SERPING1: variants seen among roughly 807,000 people sequenced by gnomAD.
SERPING1 encodes the protein plasma protease C1 inhibitor.
SERPING1 carries 5 observed loss-of-function variants against 34.1 expected under a neutral mutation model. That is an observed-to-expected ratio of 0.15 (90% CI 0.08 to 0.31). The LOEUF is 0.31. Ranked by LOEUF, SERPING1 falls within the 10% of genes least tolerant of loss-of-function variation. The pLI, the probability that SERPING1 is intolerant of heterozygous loss-of-function variation, is 1.00. For synonymous variants in SERPING1, 225 were observed against 242.4 expected (o/e 0.93, Z 0.67); for missense variants, 505 against 609.5 (o/e 0.83, Z 1.81).
intron 4 of SERPING1, chr11:57,605,484 G>T: frequency 1.2e-5 from 2 of 170,696 alleles, no homozygotes; most frequent in South Asian, 1.4e-4. Context: ...ACCCACCTTG[G>T]CCTCCCAAAG....
At position 57,606,137 on chromosome 11, in the gene SERPING1, C is replaced by G; in HGVS notation, c.813C>G (p.Asn271Lys). Residue 271 changes from asparagine (N) to lysine (K), a missense_variant, in exon 5 of 8, where the codon AAC (asparagine) becomes AAG (lysine). Asn to Lys is a moderately conservative substitution (Grantham distance 94). Transcript: ENST00000278407. ...LINTWVAKNT[N>K]NKISRLLDSL... Reference sequence around the variant, plus strand: ...ACACCTGGGTGGCCAAGAACACCAACAACAAGATCAGCCGGCTGCTAGACA... The same window carrying G: ...ACACCTGGGTGGCCAAGAACACCAAGAACAAGATCAGCCGGCTGCTAGACA... 6.2e-7 allele frequency: 1 copy of G among 1,614,152 alleles called. No individual in the cohort carries two copies. The highest frequency in any genetic ancestry group is 1.3e-5 in the African/African-American group (1 of 75,026).
chr11:57,598,691 T>C (rs1945314582), intron 2 of SERPING1, among the ~76,000 whole-genome samples: 1 of 152,164 alleles, frequency 6.6e-6, no homozygotes, highest in Non-Finnish European at 1.5e-5. Flanking sequence ...TTTTGTGATA[T>C]CAAAGCAAGA....
At position 57,598,333 on chromosome 11, in the gene SERPING1, C is replaced by G; in HGVS notation, c.51+12C>G. The G allele has an allele frequency of 6.4e-7, 1 of 1,557,008 alleles. No homozygotes were observed. Among genetic ancestry groups the G allele is most frequent in the Non-Finnish European group, 8.7e-7 (1 of 1,153,152 alleles). On this transcript the variant is annotated intron_variant, in intron 2 of 7. Transcript: ENST00000278407. ...TGCTGCTGGCTGGGGTATGTGGTCC[C>G]TTGTGGGATGGGGGACGGGGGTGGA... is the stretch of plus-strand genomic sequence containing the variant.
chr11:57,600,517 A>C, intron 3 of SERPING1, 140 bp downstream of exon 3: 1 of 889,264 alleles, frequency 1.1e-6, no homozygotes. Flanking sequence ...GGGTAGAGGG[A>C]TGTATCTTTT....
In SERPING1 at chr11:57,606,499, C is replaced by T. The variant is rs1433680488; in HGVS notation, c.981C>T (p.Ser327=). The T allele has an allele frequency of 8.7e-6, 14 of 1,614,034 alleles. No individual in the cohort carries two copies. Among genetic ancestry groups the T allele is most frequent in the African/African-American group, 1.3e-5 (1 of 74,922 alleles). Residue 327 remains serine (S), a synonymous_variant, in exon 6 of 8, where the codon AGC becomes AGT. Coordinates refer to ENST00000278407, the MANE Select transcript of SERPING1 (RefSeq NM_000062.3). ...TTATAAAAGTGCCCATGATGAATAGCAAGAAGTACCCTGTGGCCCATTTCA... is the reference window on the plus strand; with the variant it reads ...TTATAAAAGTGCCCATGATGAATAGTAAGAAGTACCCTGTGGCCCATTTCA... ...NSVIKVPMMN[S]KKYPVAHFID...
At chr11:57,603,038 G>A (rs1051985807) in intron 4 of SERPING1, among the ~76,000 whole-genome samples, 3 of 151,814 alleles carry the variant, frequency 2.0e-5, no homozygotes, top group Non-Finnish European at 2.9e-5. Flanking sequence ...TTCAAGACCA[G>A]CCTGGCCAAC....
Position 57,609,558 on chromosome 11 carries a change from C to T in SERPING1, c.1030-2159C>T, listed in dbSNP as rs769544780. ...TCATGCCACTGCATTCCAGCCTGAGCGACAGAGTGAGACCTTGTCTCAGAA... is the reference window on the plus strand; with the variant it reads ...TCATGCCACTGCATTCCAGCCTGAGTGACAGAGTGAGACCTTGTCTCAGAA... On this transcript the variant is annotated intron_variant, in intron 6 of 7. Transcript: ENST00000278407. Among the ~76,000 whole-genome samples, 9 of 151,020 alleles carry T rather than the reference C, an allele frequency of 6.0e-5. 1 individual carries two copies. The highest frequency in any genetic ancestry group is 1.2e-4 in the African/African-American group (5 of 40,974).
rs191975157 is a variant in SERPING1 at position 57,599,419 on chromosome 11, C to T, written c.52-460C>T. On this transcript the variant is annotated intron_variant, in intron 2 of 7. Transcript: ENST00000278407. Reference sequence around the variant, plus strand: ...TCCCTTCCTAATGTGTACTGTTTTTCCACACCCACTAATGGGTTGCAACCC... The same window carrying T: ...TCCCTTCCTAATGTGTACTGTTTTTTCACACCCACTAATGGGTTGCAACCC... Among the ~76,000 whole-genome samples, 799 of 152,194 alleles carry T rather than the reference C, an allele frequency of 5.2e-3. 2 individuals carry two copies. Among genetic ancestry groups the T allele is most frequent in the Admixed American group, 0.01 (157 of 15,280 alleles).
chr11:57,602,304 G>A, intron 4 of SERPING1, 135 bp downstream of exon 4: 2 of 1,023,760 alleles, frequency 2.0e-6, no homozygotes, highest in Non-Finnish European at 3.0e-6. Flanking sequence ...CAGAGCAGGT[G>A]AAGACCTTGG....
chr11:57,606,382 G>A, intron 5 of SERPING1, 26 bp from the exon 6 acceptor site: 2 of 1,614,020 alleles, frequency 1.2e-6, no homozygotes, highest in South Asian at 1.1e-5. Flanking sequence ...CTGCATTAGA[G>A]CAACCCTCCC....
chr11:57,600,146 A>T lies in SERPING1; in HGVS notation c.319A>T (p.Thr107Ser). The T allele has an allele frequency of 6.2e-7, 1 of 1,612,178 alleles. No homozygotes were observed. The highest frequency in any genetic ancestry group is 8.5e-7 in the Non-Finnish European group (1 of 1,179,598). Residue 107 changes from threonine (T) to serine (S), a missense_variant, in exon 3 of 8, where the codon ACC becomes TCC. Physicochemically the swap from Thr to Ser is moderately conservative, Grantham distance 58. Coordinates refer to ENST00000278407, the MANE Select transcript of SERPING1 (RefSeq NM_000062.3). Reference protein sequence around the residue: ...QPTIQPTQPTTQLPTDSPTQP... With the variant: ...QPTIQPTQPTSQLPTDSPTQP... ...CACCATCCAACCCACCCAACCAACT[A>T]CCCAGCTCCCAACAGATTCTCCTAC... is the stretch of plus-strand genomic sequence containing the variant.
At chr11:57,610,285 C>A (rs1184717799) in intron 6 of SERPING1, among the ~76,000 whole-genome samples, 1 of 151,970 alleles carries the variant, frequency 6.6e-6, no homozygotes, top group African/African-American at 2.4e-5. Flanking sequence ...GGATATTTAC[C>A]CAAGGAAGGG....
At chr11:57,612,002 T>C in intron 7 of SERPING1, 66 bp downstream of exon 7, 1 of 1,295,178 alleles carries the variant, frequency 7.7e-7, no homozygotes, top group Non-Finnish European at 1.1e-6. Flanking sequence ...CCCTAAGATG[T>C]AGTTAGCATT....
At chr11:57,604,549 C>T (rs1945387124) in intron 4 of SERPING1, among the ~76,000 whole-genome samples, 1 of 151,794 alleles carries the variant, frequency 6.6e-6, no homozygotes, top group Non-Finnish European at 1.5e-5. Flanking sequence ...CAGCCAGGGT[C>T]CATTTTATAT....
Position 57,605,302 on chromosome 11 carries a change from CT to C in SERPING1, c.686-694del, listed in dbSNP as rs879509470. Among the ~76,000 whole-genome samples, 1,296 of 144,224 alleles carry C rather than the reference CT, an allele frequency of 9.0e-3. 18 individuals carry two copies. Among genetic ancestry groups the C allele is most frequent in the African/African-American group, 0.024 (962 of 39,610 alleles). 94.6% of individuals were successfully genotyped at this position (144,224 alleles called of 152,430 possible). The stretch of plus-strand genomic sequence containing the variant: ...GCATCAGCAAAGCCTGGGAAAATAT[CT>C]TTTTTTTTTTTTTGAGACAGAATCT... On this transcript the variant is annotated intron_variant, in intron 4 of 7. Transcript: ENST00000278407.
Position 57,614,598 on chromosome 11 carries a change from T to C in SERPING1, c.*17T>C. The C allele has an allele frequency of 6.2e-7, 1 of 1,611,776 alleles. No individual in the cohort carries two copies. The highest frequency in any genetic ancestry group is 2.2e-5 in the East Asian group (1 of 44,872). On this transcript the variant is annotated 3_prime_UTR_variant, in exon 8 of 8. Coordinates refer to ENST00000278407, the MANE Select transcript of SERPING1 (RefSeq NM_000062.3). The stretch of plus-strand genomic sequence containing the variant: ...AGGGCCTGAGACCTGCAGGATCAGG[T>C]TAGGGCGAGCGCTACCTCTCCAGCC...
chr11:57,606,305 G>A (rs959152183), intron 5 of SERPING1, 92 bp downstream of exon 5: 36 of 1,593,456 alleles, frequency 2.3e-5, no homozygotes, highest in African/African-American at 2.0e-4. Context: ...TTCTACAATC[G>A]GATCTCAATG....
In SERPING1 at chr11:57,602,290, A is replaced by G. The variant is rs1164349634; in HGVS notation, c.685+121A>G. 1.3e-5 allele frequency: 15 copies of G among 1,197,774 alleles called. No individual in the cohort carries two copies. The Admixed American group carries it at 2.7e-4, about 21-fold the overall frequency. 74.2% of individuals were successfully genotyped at this position (1,197,774 alleles called of 1,614,324 possible). On this transcript the variant is annotated intron_variant, in intron 4 of 7. Coordinates refer to ENST00000278407, the MANE Select transcript of SERPING1 (RefSeq NM_000062.3). ...GTTGGAGCTACAGTATCAGGGATGGACTGCAGAGCAGGTGAAGACCTTGGC... is the reference window on the plus strand; with the variant it reads ...GTTGGAGCTACAGTATCAGGGATGGGCTGCAGAGCAGGTGAAGACCTTGGC...
At chr11:57,605,978 A>G in intron 4 of SERPING1, 32 bp from the exon 5 acceptor site, 1 of 1,589,970 alleles carries the variant, frequency 6.3e-7, no homozygotes, top group Non-Finnish European at 8.6e-7. Context: ...CGTGTTCAGG[A>G]CTCATGCCTC....
Sources: gnomAD v4.1 joint callset for allele counts (sites outside exome capture counted in the v4.1 genomes callset) on GRCh38, gnomAD v4.1.1 for gene constraint, MANE v1.5 for transcripts, NCBI Gene and HGNC (gene_info 2026-07-23, HGNC 2026-07-21) for gene names.